The following NAV2 variants were observed in gnomAD, a reference collection of about 807,000 sequenced individuals.
The protein encoded by NAV2 is helicase, APC down-regulated 1.
A neutral mutation model predicts 223.2 loss-of-function variants in NAV2; 54 were observed. The ratio of observed to expected loss-of-function variants is 0.24; its 90% CI spans 0.19 to 0.30. NAV2 has a LOEUF of 0.30. Among genes scored for constraint, NAV2 ranks in the 10% least tolerant of loss-of-function variants. The pLI, the probability that NAV2 is intolerant of heterozygous loss-of-function variation, is 1.00. For synonymous variants in NAV2, 1,279 were observed against 1,239.3 expected, an observed-to-expected ratio of 1.03 and a Z score of -0.67; for missense variants, 2,806 against 3,147.5, an observed-to-expected ratio of 0.89 and a Z score of 2.60.
Position 19,879,888 on chromosome 11 carries a change from C to T in NAV2, c.531C>T (p.Leu177=). Residue 177 remains leucine, a synonymous_variant, in exon 5 of 38, where the codon CTC becomes CTT. Coordinates refer to ENST00000349880, the MANE Select transcript of NAV2 (RefSeq NM_145117.5). ...TTGCAGAGATCAGGAATGGAAACCT[C>T]AAGGCCATTCTAGGCCTCTTCTTCA... The part of the protein sequence containing the change: ...LSAEEIRNGN[L]KAILGLFFSL... 6.2e-7 allele frequency: 1 copy of T among 1,613,950 alleles called. No individual in the cohort carries two copies. The highest frequency in any genetic ancestry group is 1.7e-5 in the Admixed American group (1 of 60,014).
intron 1 of NAV2, among the ~76,000 whole-genome samples, chr11:19,416,353 A>G (rs528066355): frequency 7.0e-4 from 106 of 152,344 alleles, no homozygotes; most frequent in African/African-American, 2.4e-3. Context: ...CAATTGCTAC[A>G]AAGTGAATAA....
At chr11:19,577,514 G>A (rs2045603245) in intron 1 of NAV2, among the ~76,000 whole-genome samples, 1 of 152,232 alleles carries the variant, frequency 6.6e-6, no homozygotes, top group Non-Finnish European at 1.5e-5. Context: ...GCTCAGTGTA[G>A]CCACTTCTCC....
chr11:19,492,831 C>A (rs1343328384), intron 1 of NAV2, among the ~76,000 whole-genome samples: 1 of 152,078 alleles, frequency 6.6e-6, no homozygotes, highest in Non-Finnish European at 1.5e-5. Context: ...ATTACAAAAG[C>A]AAATGGATGC....
chr11:19,632,426 C>A (rs1180304672), intron 1 of NAV2, among the ~76,000 whole-genome samples: 2 of 152,144 alleles, frequency 1.3e-5, no homozygotes, highest in Non-Finnish European at 2.9e-5. Context: ...GCTTTGCAAA[C>A]TGAAAGTGTT....
In NAV2 at chr11:19,944,697, CTTCCTTCT is replaced by C. The variant is rs368167601; in HGVS notation, c.2147-1696_2147-1689del. Among the ~76,000 whole-genome samples the C allele has an allele frequency of 7.9e-3, 925 of 117,116 alleles. 6 individuals carry two copies. Among genetic ancestry groups the C allele is most frequent in the African/African-American group, 0.031 (883 of 28,774 alleles). 76.8% of individuals were successfully genotyped at this position (117,116 alleles called of 152,430 possible). ...TTCTTCTCTTCTCTTTTCTTTCTTT[CTTCCTTCT>C]TTCCTTCCTTCCTTCCTTCCTTCCT... On this transcript the variant is annotated intron_variant, in intron 8 of 37. Transcript: ENST00000349880.
intron 1 of NAV2, among the ~76,000 whole-genome samples, chr11:19,779,273 G>A (rs1303665905): frequency 1.3e-5 from 2 of 152,202 alleles, no homozygotes; most frequent in East Asian, 3.9e-4. Context: ...GGGAAGCCCT[G>A]AGGGAGTAGC....
intron 3 of NAV2, among the ~76,000 whole-genome samples, chr11:19,852,421 A>G (rs1401794464): frequency 1.3e-5 from 2 of 152,214 alleles, no homozygotes; most frequent in Non-Finnish European, 2.9e-5. Flanking sequence ...GTAGGGAAGC[A>G]TGTGGAGGAC....
chr11:19,436,747 A>G (rs1220497447), intron 1 of NAV2, among the ~76,000 whole-genome samples: 3 of 151,854 alleles, frequency 2.0e-5, no homozygotes, highest in South Asian at 2.1e-4. Flanking sequence ...CTTTCCGTTT[A>G]TTTGTGTCAT....
At position 19,998,455 on chromosome 11, in the gene NAV2, A is replaced by G. The variant is rs1245629933; in HGVS notation, c.2768+14208A>G. Among the ~76,000 whole-genome samples, 1 of 152,028 alleles carries G rather than the reference A, an allele frequency of 6.6e-6. No homozygotes were observed. ...AGAAGCTATTGTAACCTTAACATAT[A>G]CATCAGATCTCCTCTGCCCTTGCCT... On this transcript the variant is annotated intron_variant, in intron 11 of 37. Coordinates refer to ENST00000349880, the MANE Select transcript of NAV2 (RefSeq NM_145117.5). This position sits in a 1 kb window ranked among gnomAD's most constrained non-coding sequence, Gnocchi z 5.0.
At chr11:19,900,083 C>G (rs1306063325) in intron 6 of NAV2, among the ~76,000 whole-genome samples, 1 of 152,026 alleles carries the variant, frequency 6.6e-6, no homozygotes, top group Non-Finnish European at 1.5e-5. Context: ...TAGCTAGTAC[C>G]CATAGTTGTC....
At chr11:20,094,865 C>T (rs140609243) in intron 29 of NAV2, among the ~76,000 whole-genome samples, 12 of 152,316 alleles carry the variant, frequency 7.9e-5, no homozygotes, top group African/African-American at 1.7e-4. Context: ...CACCCAACCA[C>T]GCTCCTGACT....
intron 1 of NAV2, among the ~76,000 whole-genome samples, chr11:19,403,384 G>A (rs533278008): frequency 3.7e-4 from 57 of 152,260 alleles, no homozygotes; most frequent in Admixed American, 1.8e-3. Context: ...GCATAGAACC[G>A]GCACTCTTGC....
intron 36 of NAV2, among the ~76,000 whole-genome samples, chr11:20,109,298 G>GA (rs140655221): frequency 0.067 from 10,131 of 152,174 alleles, 390 homozygotes; most frequent in Non-Finnish European, 0.076. Flanking sequence ...GTGAAAGCAG[G>GA]AAAAAAGCAA....
chr11:19,482,671 A>G (rs1210600174), intron 1 of NAV2, among the ~76,000 whole-genome samples: 1 of 152,184 alleles, frequency 6.6e-6, no homozygotes, highest in African/African-American at 2.4e-5. Flanking sequence ...CAAGGTCCAG[A>G]GAGGCTGAGA....
chr11:19,501,606 C>T (rs917385487), intron 1 of NAV2, among the ~76,000 whole-genome samples: 2 of 151,996 alleles, frequency 1.3e-5, no homozygotes, highest in Non-Finnish European at 2.9e-5. Context: ...TATAAAATCA[C>T]TTATTGCTAG....
rs1343274414 is a variant in NAV2, at chr11:19,964,888, C to T, written c.2645+15808C>T. ...AGGCTGGAGTGCAATGGCACGATCT[C>T]GGCTCACCACAACCTCTGCCTCCCG... is the stretch of plus-strand genomic sequence containing the variant. On this transcript the variant is annotated intron_variant, in intron 10 of 37. Coordinates refer to ENST00000349880, the MANE Select transcript of NAV2 (RefSeq NM_145117.5). Among the ~76,000 whole-genome samples the T allele has an allele frequency of 5.3e-5, 7 of 131,696 alleles. No homozygotes were observed. The Admixed American group carries it at 6.4e-4, about 12-fold the overall frequency. The allele number at this position is 131,696 out of a possible 152,430, so 86.4% of individuals were successfully genotyped here.
rs2060590488 is a variant in NAV2 at position 19,842,997 on chromosome 11, G to C, written c.438+74G>C. The C allele has an allele frequency of 2.4e-6, 3 of 1,256,168 alleles. No individual in the cohort carries two copies. The South Asian group carries it at 3.7e-5, about 16-fold the overall frequency. The allele number at this position is 1,256,168 out of a possible 1,614,324, so 77.8% of individuals were successfully genotyped here. A position where few individuals can be genotyped will look rare whatever the true frequency, so the allele number is the denominator to read the frequency against. ...GCCTCTAAGTGATATTGACCATCTT[G>C]AAAACATTCATACCAGATGCTTTAC... is the stretch of plus-strand genomic sequence containing the variant. On this transcript the variant is annotated intron_variant, in intron 3 of 37. Transcript: ENST00000349880.
At chr11:19,512,901 C>A in intron 1 of NAV2, among the ~76,000 whole-genome samples, 1 of 152,148 alleles carries the variant, frequency 6.6e-6, no homozygotes. Context: ...GAGAGGGATA[C>A]AACCTGTAAA....
intron 6 of NAV2, among the ~76,000 whole-genome samples, chr11:19,901,191 A>G (rs1364279127): frequency 6.6e-6 from 1 of 152,170 alleles, no homozygotes; most frequent in Non-Finnish European, 1.5e-5. Flanking sequence ...CACCCATGAG[A>G]TCTTAAGGCA....
Sources: allele counts gnomAD v4.1 joint callset (sites outside exome capture counted in the v4.1 genomes callset), GRCh38; gene constraint gnomAD v4.1.1; non-coding constraint Gnocchi (gnomAD v3.1); transcripts MANE v1.5; gene names NCBI Gene and HGNC (gene_info 2026-07-23, HGNC 2026-07-21).